The following LYPLAL1 variants were observed in gnomAD, a reference collection of about 807,000 sequenced individuals.
LYPLAL1 encodes lysophospholipase-like protein 1.
LYPLAL1 carries 23 observed loss-of-function variants against 19.7 expected under a neutral mutation model. That is an observed-to-expected ratio of 1.17 (90% confidence interval 0.84 to 1.65). LYPLAL1 has a LOEUF of 1.65. Ranked by LOEUF, LYPLAL1 falls within the 40% of genes most tolerant of loss-of-function variation. The probability of loss-of-function intolerance (pLI) is 0.00; values close to 1 mark genes in which losing one functional copy is unlikely to be tolerated. For missense variants in LYPLAL1, 355 were observed against 279.4 expected (o/e 1.27, Z -1.93); for synonymous variants, 119 against 96.3 (o/e 1.24, Z -1.38).
the LYPLAL1 span, among the ~76,000 whole-genome samples, chr1:219,384,613 A>G: frequency 6.6e-6 from 1 of 152,234 alleles, no homozygotes; most frequent in Non-Finnish European, 1.5e-5. Flanking sequence ...TCTTTGATCA[A>G]AAAAAGTACA....
intron 2 of LYPLAL1, among the ~76,000 whole-genome samples, chr1:219,189,903 ATAGC>A (rs914352327): frequency 2.0e-5 from 3 of 151,684 alleles, no homozygotes; most frequent in African/African-American, 7.2e-5. Flanking sequence ...ATGCCTGAGA[ATAGC>A]TAGGACAAGT....
At chr1:219,373,426 G>T in the LYPLAL1 span, among the ~76,000 whole-genome samples, 1 of 152,092 alleles carries the variant, frequency 6.6e-6, no homozygotes, top group Non-Finnish European at 1.5e-5. Flanking sequence ...TGCTTGCTGA[G>T]TTATTACCCC....
the LYPLAL1 span, among the ~76,000 whole-genome samples, chr1:219,276,217 C>T: frequency 6.6e-6 from 1 of 152,128 alleles, no homozygotes; most frequent in South Asian, 2.1e-4. Context: ...GTGTCTTGGA[C>T]TCTTTTGGTG....
the LYPLAL1 span, among the ~76,000 whole-genome samples, chr1:219,333,155 T>C: frequency 6.6e-6 from 1 of 152,062 alleles, no homozygotes. Context: ...GGACCCTTCG[T>C]ATAATCCAAA....
the LYPLAL1 span, among the ~76,000 whole-genome samples, chr1:219,356,502 C>T: frequency 6.6e-6 from 1 of 151,956 alleles, no homozygotes; most frequent in East Asian, 1.9e-4. Context: ...GCCGTCTCAA[C>T]AACAACAACA....
the LYPLAL1 span, among the ~76,000 whole-genome samples, chr1:219,388,177 G>C: frequency 1.1e-3 from 169 of 152,250 alleles, 1 homozygote; most frequent in African/African-American, 3.1e-3. Flanking sequence ...GACATAGTAA[G>C]CATTCAGGAA....
At chr1:219,431,620 T>C in the LYPLAL1 span, among the ~76,000 whole-genome samples, 1 of 152,336 alleles carries the variant, frequency 6.6e-6, no homozygotes, top group South Asian at 2.1e-4. Flanking sequence ...CTTACCTTTA[T>C]TGACAATTTC....
At chr1:219,410,343 G>A in the LYPLAL1 span, 22 of 152,364 alleles carry the variant, frequency 1.4e-4, no homozygotes, top group African/African-American at 4.8e-4. Context: ...TAAACAGAAC[G>A]TAGTTTAATT....
intron 2 of LYPLAL1, 129 bp from the exon 3 acceptor site, chr1:219,192,953 T>G (rs1657297629): frequency 4.2e-6 from 4 of 957,002 alleles, no homozygotes; most frequent in Non-Finnish European, 4.4e-6. Flanking sequence ...TTAATATGCA[T>G]TTAACTTATA....
At chr1:219,259,022 A>C in the LYPLAL1 span, among the ~76,000 whole-genome samples, 1 of 152,110 alleles carries the variant, frequency 6.6e-6, no homozygotes, top group Non-Finnish European at 1.5e-5. Flanking sequence ...TATGCTTAAC[A>C]TCACTAATTA....
the LYPLAL1 span, among the ~76,000 whole-genome samples, chr1:219,428,999 A>G: frequency 1.3e-5 from 2 of 152,168 alleles, no homozygotes; most frequent in African/African-American, 2.4e-5. Context: ...ACTCAGAAAT[A>G]TGGCCTTATC....
the LYPLAL1 span, among the ~76,000 whole-genome samples, chr1:219,379,062 A>C: frequency 9.9e-5 from 15 of 152,228 alleles, no homozygotes; most frequent in East Asian, 1.3e-3. Flanking sequence ...TTCTCTCTAT[A>C]TATATATTAT....
In LYPLAL1 at chr1:219,180,839, T is replaced by C. The variant is rs918946002; in HGVS notation, c.191+1593T>C. On this transcript the variant is annotated intron_variant, in intron 2 of 4. Coordinates refer to ENST00000366928, the MANE Select transcript of LYPLAL1 (RefSeq NM_138794.5). Reference sequence around the variant, plus strand: ...TTTCTCAAACTTTAGGCCAGAGTTATTTCAGAAAATCCAAAAATCTCCATG... The same window carrying C: ...TTTCTCAAACTTTAGGCCAGAGTTACTTCAGAAAATCCAAAAATCTCCATG... Among the ~76,000 whole-genome samples the C allele has an allele frequency of 7.2e-5, 11 of 152,326 alleles. No homozygotes were observed. The East Asian group carries it at 1.9e-3, about 27-fold the overall frequency.
At chr1:219,278,077 C>A in the LYPLAL1 span, among the ~76,000 whole-genome samples, 1 of 152,178 alleles carries the variant, frequency 6.6e-6, no homozygotes, top group Non-Finnish European at 1.5e-5. Flanking sequence ...TCCCAGCAAC[C>A]TTATGATGTG....
chr1:219,175,180 G>T lies in LYPLAL1; in HGVS notation c.91+1199G>T. ...CTCTTAGCTGTTACTGTGAGTAGTG[G>T]CGGATTTGGGATTAGAACCCAAAGC... On this transcript the variant is annotated intron_variant, in intron 1 of 4. Transcript: ENST00000366928. 7 of 816,084 alleles carry T rather than the reference G, an allele frequency of 8.6e-6. No individual in the cohort carries two copies. In the South Asian group the frequency reaches 3.9e-4, roughly 46 times the overall value. The allele number at this position is 816,084 out of a possible 1,614,324, so 50.6% of individuals were successfully genotyped here.
the LYPLAL1 span, among the ~76,000 whole-genome samples, chr1:219,413,005 A>G: frequency 1.3e-5 from 2 of 152,230 alleles, no homozygotes; most frequent in East Asian, 3.8e-4. Flanking sequence ...TTGTTTTCAA[A>G]GAAACTATTT....
chr1:219,194,182 T>C (rs1375276764), intron 3 of LYPLAL1, among the ~76,000 whole-genome samples: 3 of 151,938 alleles, frequency 2.0e-5, no homozygotes, highest in African/African-American at 7.2e-5. Flanking sequence ...ACATCACCTT[T>C]CTGGTCCTTA....
the LYPLAL1 span, among the ~76,000 whole-genome samples, chr1:219,433,391 C>T: frequency 6.6e-6 from 1 of 152,198 alleles, no homozygotes; most frequent in Non-Finnish European, 1.5e-5. Context: ...ACACTCCTTA[C>T]AGACAGAAAC....
chr1:219,440,030 T>TATATAC, the LYPLAL1 span, among the ~76,000 whole-genome samples: 2 of 145,196 alleles, frequency 1.4e-5, no homozygotes, highest in African/African-American at 2.5e-5. Flanking sequence ...CACACATATA[T>TATATAC]ATATATATAC....
Sources: gnomAD v4.1 joint callset for allele counts (sites outside exome capture counted in the v4.1 genomes callset) on GRCh38, gnomAD v4.1.1 for gene constraint, MANE v1.5 for transcripts, NCBI Gene and HGNC (gene_info 2026-07-23, HGNC 2026-07-21) for gene names.